The following TSNARE1 variants were observed in gnomAD, a reference collection of about 807,000 sequenced individuals.
TSNARE1 encodes the protein t-SNARE domain-containing protein 1.
A neutral mutation model predicts 62.0 loss-of-function variants in TSNARE1; 49 were observed. The ratio of observed to expected loss-of-function variants is 0.79; its 90% CI spans 0.63 to 1.00. The LOEUF (loss-of-function observed/expected upper bound fraction) is 1.00, where lower values mean the gene tolerates loss of function less well. Among genes scored for constraint, TSNARE1 ranks in the 50% least tolerant of loss-of-function variants. TSNARE1 has a pLI of 0.00. For missense variants in TSNARE1, 755 were observed against 700.1 expected, an observed-to-expected ratio of 1.08 and a Z score of -0.88; for synonymous variants, 328 against 294.4, an observed-to-expected ratio of 1.11 and a Z score of -1.17.
intron 4 of TSNARE1, among the ~76,000 whole-genome samples, chr8:142,341,065 A>C (rs1325591308): frequency 6.6e-6 from 1 of 152,200 alleles, no homozygotes; most frequent in Non-Finnish European, 1.5e-5. Context: ...TGGGTCGGAA[A>C]AGGAGGTGCT....
chr8:142,275,062 C>T (rs1172613088), intron 11 of TSNARE1, 199 bp from the exon 12 acceptor site: 5 of 985,244 alleles, frequency 5.1e-6, no homozygotes, highest in South Asian at 4.7e-5. Context: ...GACATTAGAA[C>T]GGAGGCCTGG....
rs577893717 is a variant in TSNARE1, at chr8:142,319,050, A to G, written c.894-416T>C. On this transcript the variant is annotated intron_variant, in intron 6 of 13. Coordinates refer to ENST00000524325, the MANE Select transcript of TSNARE1 (RefSeq NM_145003.5). This position sits in a 1 kb window ranked among gnomAD's most constrained non-coding sequence, Gnocchi z 4.9. The stretch of plus-strand genomic sequence containing the variant: ...CAAGAGGCAGTGGGGGCAGAAAGGC[A>G]GGCAGAGAGAGACGGCGCAGGTAAG... 6.6e-6 allele frequency among the ~76,000 whole-genome samples: 1 copy of G among 152,068 alleles called. No homozygotes were observed. Among genetic ancestry groups the G allele is most frequent in the East Asian group, 1.9e-4 (1 of 5,134 alleles).
intron 1 of TSNARE1, among the ~76,000 whole-genome samples, chr8:142,386,567 T>G (rs1399095705): frequency 1.3e-5 from 2 of 152,090 alleles, no homozygotes; most frequent in Non-Finnish European, 2.9e-5. Flanking sequence ...ATTCCCCAAT[T>G]GAATTACAAG....
chr8:142,254,208 GCAGGGTACAGC>G (rs1818316857), intron 12 of TSNARE1, among the ~76,000 whole-genome samples: 1 of 152,216 alleles, frequency 6.6e-6, no homozygotes, highest in African/African-American at 2.4e-5. Context: ...TTTGCAGGAG[GCAGGGTACAGC>G]CAACTGAGTT....
chr8:142,268,108 G>C (rs570520917), intron 12 of TSNARE1, among the ~76,000 whole-genome samples: 3 of 152,316 alleles, frequency 2.0e-5, no homozygotes, highest in African/African-American at 7.2e-5. Flanking sequence ...AAACACCCTT[G>C]CCCTCAGGGC....
At chr8:142,250,869 G>T (rs760917137) in intron 12 of TSNARE1, among the ~76,000 whole-genome samples, 3 of 152,228 alleles carry the variant, frequency 2.0e-5, no homozygotes, top group African/African-American at 7.2e-5. Context: ...CGGACGAGGG[G>T]CTAGCCTTTC....
intron 13 of TSNARE1, among the ~76,000 whole-genome samples, chr8:142,212,991 A>G (rs1402146375): frequency 3.6e-5 from 1 of 27,432 alleles, no homozygotes; most frequent in African/African-American, 1.8e-4. Flanking sequence ...CTTCTCTCCA[A>G]TCCTTCCTCC....
chr8:142,284,551 AG>A (rs1822357593), intron 10 of TSNARE1, 66 bp from the exon 11 acceptor site: 1 of 1,281,144 alleles, frequency 7.8e-7, no homozygotes, highest in South Asian at 1.2e-5. Context: ...GGCACCTGAA[AG>A]TTTCCCATGG....
chr8:142,380,429 A>C (rs1836655129), intron 1 of TSNARE1, among the ~76,000 whole-genome samples: 1 of 152,124 alleles, frequency 6.6e-6, no homozygotes. Context: ...GGCATCGTGG[A>C]GCCTCCTGCG....
intron 13 of TSNARE1, among the ~76,000 whole-genome samples, chr8:142,225,244 C>G (rs1816720249): frequency 6.6e-6 from 1 of 151,720 alleles, no homozygotes; most frequent in South Asian, 2.1e-4. Flanking sequence ...TTGGAATACT[C>G]CACACTCTGA....
intron 13 of TSNARE1, among the ~76,000 whole-genome samples, chr8:142,218,083 A>ACCAG (rs1563751317): frequency 1.2e-4 from 7 of 56,618 alleles, no homozygotes; most frequent in Non-Finnish European, 1.8e-4. Context: ...CAGGGTTCAG[A>ACCAG]GAGTGGCCAG....
intron 9 of TSNARE1, among the ~76,000 whole-genome samples, chr8:142,303,199 C>G (rs563967662): frequency 6.6e-6 from 1 of 152,194 alleles, no homozygotes; most frequent in Non-Finnish European, 1.5e-5. Flanking sequence ...AGCTGCCTCA[C>G]CATGCCATGT....
chr8:142,212,416 G>A (rs919102486), intron 13 of TSNARE1, 103 bp from the exon 14 acceptor site: 8 of 152,336 alleles, frequency 5.3e-5, no homozygotes, highest in Non-Finnish European at 1.0e-4. Flanking sequence ...CCTGGTCTGG[G>A]GGCTGACAGT....
intron 1 of TSNARE1, among the ~76,000 whole-genome samples, chr8:142,358,401 A>G (rs1479777237): frequency 6.6e-6 from 1 of 152,146 alleles, no homozygotes; most frequent in Non-Finnish European, 1.5e-5. Context: ...GGAGGAGGGA[A>G]GGGATTCAAG....
intron 12 of TSNARE1, among the ~76,000 whole-genome samples, chr8:142,237,550 G>A (rs896224903): frequency 5.3e-5 from 8 of 152,318 alleles, no homozygotes; most frequent in Admixed American, 3.9e-4. Context: ...CTGAGCCTCC[G>A]TTTCCTTATC....
intron 10 of TSNARE1, chr8:142,300,267 G>C (rs547541350): frequency 1.9e-6 from 1 of 513,826 alleles, no homozygotes; most frequent in East Asian, 3.1e-5. Flanking sequence ...AACCCAGGAA[G>C]GAGGGGATGG....
chr8:142,365,913 T>A (rs1015963479), intron 1 of TSNARE1: 1 of 453,296 alleles, frequency 2.2e-6, no homozygotes, highest in African/African-American at 2.0e-5. Flanking sequence ...AGACCTACCA[T>A]GTTCATGGAC....
At chr8:142,352,986 G>T (rs1287881657) in intron 2 of TSNARE1, among the ~76,000 whole-genome samples, 1 of 152,122 alleles carries the variant, frequency 6.6e-6, no homozygotes, top group East Asian at 1.9e-4. Context: ...ACATAAAATA[G>T]ATCAAGCAGC....
intron 1 of TSNARE1, among the ~76,000 whole-genome samples, chr8:142,364,971 AG>A (rs1207469790): frequency 1.3e-5 from 2 of 152,236 alleles, no homozygotes; most frequent in African/African-American, 4.8e-5. Context: ...CAGATGTTAA[AG>A]CTAGTGTGTG....
Sources: allele counts gnomAD v4.1 joint callset (sites outside exome capture counted in the v4.1 genomes callset), GRCh38; gene constraint gnomAD v4.1.1; non-coding constraint Gnocchi (gnomAD v3.1); transcripts MANE v1.5; gene names NCBI Gene and HGNC (gene_info 2026-07-23, HGNC 2026-07-21).